Variants in CCDC146 observed in about 807,000 individuals in gnomAD.
CCDC146 encodes coiled-coil domain-containing protein 146.
A neutral mutation model predicts 119.3 loss-of-function variants in CCDC146; 92 were observed. The ratio of observed to expected loss-of-function variants is 0.77; its 90% confidence interval spans 0.65 to 0.92. CCDC146 has a LOEUF of 0.92. CCDC146 is among the 40% of genes least tolerant of loss of function. CCDC146 has a pLI of 0.00. For synonymous variants in CCDC146, 372 were observed against 371.8 expected (o/e 1.00, Z -0.01); for missense variants, 1,000 against 1,103.0 (o/e 0.91, Z 1.32).
At chr7:77,293,561 T>G (rs1793991503) in intron 18 of CCDC146, among the ~76,000 whole-genome samples, 1 of 152,248 alleles carries the variant, frequency 6.6e-6, no homozygotes, top group African/African-American at 2.4e-5. Flanking sequence ...CACATCTGAC[T>G]GTTCCATGTT....
At chr7:77,282,405 T>C (rs1201705883) in intron 14 of CCDC146, 152 bp from the exon 15 acceptor site, 1 of 609,748 alleles carries the variant, frequency 1.6e-6, no homozygotes, top group Non-Finnish European at 2.9e-6. Flanking sequence ...GTGGATGTAA[T>C]TTAACTAGAA....
chr7:77,183,587 A>C (rs138527761), intron 2 of CCDC146, among the ~76,000 whole-genome samples: 1 of 152,264 alleles, frequency 6.6e-6, no homozygotes, highest in East Asian at 1.9e-4. Flanking sequence ...CCAGGCCAGG[A>C]GTGCTTTCTT....
At chr7:77,195,978 G>T (rs879357271) in intron 2 of CCDC146, 5 of 286,246 alleles carry the variant, frequency 1.7e-5, no homozygotes, top group Non-Finnish European at 3.3e-5. Flanking sequence ...TTTAAATACA[G>T]CAAGTAATAC....
chr7:77,162,029 C>T (rs973829437), intron 1 of CCDC146, among the ~76,000 whole-genome samples: 2 of 151,926 alleles, frequency 1.3e-5, no homozygotes, highest in African/African-American at 4.8e-5. Flanking sequence ...GTATAAGTTC[C>T]TTGTATGTTT....
chr7:77,237,592 TG>T (rs1412740202), intron 3 of CCDC146, among the ~76,000 whole-genome samples: 4 of 152,202 alleles, frequency 2.6e-5, no homozygotes, highest in African/African-American at 9.7e-5. Context: ...TCTTCTCCCG[TG>T]TCTGTTCATC....
At chr7:77,198,021 T>C (rs758227728) in intron 2 of CCDC146, 1 of 533,078 alleles carries the variant, frequency 1.9e-6, no homozygotes, top group East Asian at 1.5e-4. Context: ...GAATATTCAG[T>C]TATTTCACCC....
At chr7:77,276,468 T>G (rs1793642418) in intron 11 of CCDC146, among the ~76,000 whole-genome samples, 1 of 152,120 alleles carries the variant, frequency 6.6e-6, no homozygotes, top group South Asian at 2.1e-4. Context: ...TTTTTCTACT[T>G]TAATATTTAA....
chr7:77,125,217 C>T (rs71555958), intron 1 of CCDC146, among the ~76,000 whole-genome samples: 1 of 150,980 alleles, frequency 6.6e-6, no homozygotes, highest in Admixed American at 6.6e-5. Flanking sequence ...TTAAATGCTC[C>T]CAAATAAGAC....
In CCDC146 at chr7:77,262,389, T is replaced by C. The variant is rs1182999161; in HGVS notation, c.1173+82T>C. On this transcript the variant is annotated intron_variant, in intron 9 of 18. Coordinates refer to ENST00000285871, the MANE Select transcript of CCDC146 (RefSeq NM_020879.3). Reference sequence around the variant, plus strand: ...AAATATTTTAGGAAGTTGTTTTTGCTGCCAGTAGAGAAGAAGAAAATACAA... The same window carrying C: ...AAATATTTTAGGAAGTTGTTTTTGCCGCCAGTAGAGAAGAAGAAAATACAA... 3 of 1,136,892 alleles carry C rather than the reference T, an allele frequency of 2.6e-6. No individual in the cohort carries two copies. In the East Asian group the frequency reaches 7.7e-5, roughly 29 times the overall value. 70.4% of individuals were successfully genotyped at this position (1,136,892 alleles called of 1,614,324 possible). A position where few individuals can be genotyped will look rare whatever the true frequency, so the allele number is the denominator to read the frequency against.
intron 11 of CCDC146, among the ~76,000 whole-genome samples, chr7:77,277,894 C>G (rs1486018476): frequency 6.6e-6 from 1 of 152,184 alleles, no homozygotes; most frequent in Non-Finnish European, 1.5e-5. Flanking sequence ...ATCCCAGATG[C>G]AAGAACCAGT....
chr7:77,243,125 C>T (rs1229808605), intron 4 of CCDC146, among the ~76,000 whole-genome samples: 6 of 152,146 alleles, frequency 3.9e-5, no homozygotes, highest in Non-Finnish European at 8.8e-5. Flanking sequence ...GAATGCTTGA[C>T]ATTTCCATGA....
chr7:77,150,375 A>T (rs1584026578), intron 1 of CCDC146, among the ~76,000 whole-genome samples: 1 of 152,226 alleles, frequency 6.6e-6, no homozygotes, highest in East Asian at 1.9e-4. Flanking sequence ...AGGCAACCTA[A>T]TTATGTTTAA....
intron 11 of CCDC146, among the ~76,000 whole-genome samples, chr7:77,275,293 G>A (rs1793612315): frequency 6.6e-6 from 1 of 151,946 alleles, no homozygotes; most frequent in Non-Finnish European, 1.5e-5. Flanking sequence ...ATTCTCAAAG[G>A]GTCCTGGAAC....
chr7:77,274,013 T>C (rs574374602), intron 10 of CCDC146, among the ~76,000 whole-genome samples: 1 of 152,330 alleles, frequency 6.6e-6, no homozygotes, highest in East Asian at 1.9e-4. Flanking sequence ...AGGAATGAGA[T>C]TTTTAAATTA....
intron 2 of CCDC146, among the ~76,000 whole-genome samples, chr7:77,174,157 G>A (rs1303860249): frequency 6.6e-6 from 1 of 152,052 alleles, no homozygotes; most frequent in Admixed American, 6.6e-5. Context: ...TCATTTAAAT[G>A]GAGTCATACA....
chr7:77,173,710 C>T (rs1174756011), intron 2 of CCDC146, among the ~76,000 whole-genome samples: 1 of 152,182 alleles, frequency 6.6e-6, no homozygotes, highest in Non-Finnish European at 1.5e-5. Flanking sequence ...TGTAGGACAC[C>T]TGCTCCCCAA....
At chr7:77,257,099 C>G (rs780396047) in intron 6 of CCDC146, 56 of 153,088 alleles carry the variant, frequency 3.7e-4, no homozygotes, top group Middle Eastern at 3.3e-3. Context: ...GAGTGAGACT[C>G]CCTCTCAAAA....
intron 2 of CCDC146, among the ~76,000 whole-genome samples, chr7:77,189,534 C>A (rs1238541285): frequency 6.6e-6 from 1 of 152,128 alleles, no homozygotes; most frequent in African/African-American, 2.4e-5. Context: ...TCATGTCTTT[C>A]CTCTGCTCAA....
At chr7:77,249,609 AAATT>A (rs2150499651) in intron 4 of CCDC146, among the ~76,000 whole-genome samples, 1 of 145,718 alleles carries the variant, frequency 6.9e-6, no homozygotes, top group South Asian at 2.2e-4. Flanking sequence ...GTTCTGTCTG[AAATT>A]AATTTAGTGA....
Sources: allele counts gnomAD v4.1 joint callset (sites outside exome capture counted in the v4.1 genomes callset), GRCh38; gene constraint gnomAD v4.1.1; transcripts MANE v1.5; gene names NCBI Gene and HGNC (gene_info 2026-07-23, HGNC 2026-07-21).